Variants in GSDMD observed in about 807,000 individuals in gnomAD.
GSDMD encodes the protein gasdermin D.
Under a neutral mutation model 46.7 loss-of-function variants are expected in GSDMD, and 46 were observed. That is an observed-to-expected ratio of 0.99 (90% confidence interval 0.78 to 1.26). The LOEUF (loss-of-function observed/expected upper bound fraction) is 1.26. GSDMD is among the 50% of genes most tolerant of loss of function. The pLI, the probability that GSDMD is intolerant of heterozygous loss-of-function variation, is 0.00. For missense variants in GSDMD, 649 were observed against 638.8 expected, an observed-to-expected ratio of 1.02 and a Z score of -0.17; for synonymous variants, 307 against 283.1, an observed-to-expected ratio of 1.08 and a Z score of -0.85.
intron 1 of GSDMD, 73 bp downstream of exon 1, chr8:143,558,524 G>T (rs1003518150): frequency 7.4e-5 from 97 of 1,317,866 alleles, no homozygotes; most frequent in Middle Eastern, 5.1e-4. Context: ...GCTCCCGGGT[G>T]GGGGATGCTG....
upstream of GSDMD, chr8:143,558,303 G>A (rs1380839492): frequency 1.3e-6 from 2 of 1,511,720 alleles, no homozygotes; most frequent in African/African-American, 1.4e-5. Flanking sequence ...GGCTCTCCGG[G>A]ACGGTTCCGG....
At chr8:143,559,298 AG>A in intron 1 of GSDMD, 33 bp from the exon 2 acceptor site, 1 of 441,376 alleles carries the variant, frequency 2.3e-6, no homozygotes. Context: ...GCCCGCCCCG[AG>A]AGCACAATGC....
chr8:143,557,093 C>T (rs536855523), upstream of GSDMD, among the ~76,000 whole-genome samples: 5 of 152,384 alleles, frequency 3.3e-5, no homozygotes, highest in Admixed American at 6.5e-5. Context: ...AGGATCACGC[C>T]GTCCGCTCCG....
chr8:143,560,045 T>A, intron 3 of GSDMD, 76 bp downstream of exon 3: 1 of 1,343,668 alleles, frequency 7.4e-7, no homozygotes, highest in Non-Finnish European at 1.0e-6. Context: ...TTTATTTATT[T>A]AAATTATTTT....
At chr8:143,557,335 G>GATGCCGCT (rs1358187413), upstream of GSDMD, among the ~76,000 whole-genome samples, 1 of 41,066 alleles carries the variant, frequency 2.4e-5, no homozygotes, top group Non-Finnish European at 5.6e-5. Flanking sequence ...CTGCCGCTAT[G>GATGCCGCT]GTGAAGGATG....
upstream of GSDMD, among the ~76,000 whole-genome samples, chr8:143,554,465 G>A (rs964548810): frequency 6.7e-6 from 1 of 149,972 alleles, no homozygotes; most frequent in South Asian, 2.1e-4. Context: ...ATGCACACGC[G>A]CACATGTACA....
upstream of GSDMD, chr8:143,558,005 T>C (rs1336831279): frequency 5.1e-6 from 2 of 394,444 alleles, no homozygotes; most frequent in South Asian, 3.8e-5. Flanking sequence ...AGCGATTCTC[T>C]TGCCTCAGCC....
At chr8:143,560,371 C>T in intron 3 of GSDMD, 1 of 644,948 alleles carries the variant, frequency 1.6e-6, no homozygotes, top group South Asian at 1.7e-5. Context: ...AACACGGGGG[C>T]CCAGGTGAGG....
chr8:143,560,880 C>A, intron 4 of GSDMD, 109 bp downstream of exon 4: 1 of 1,433,146 alleles, frequency 7.0e-7, no homozygotes, highest in Non-Finnish European at 9.4e-7. Flanking sequence ...CAGCTCCCAG[C>A]CCTGCGCTTG....
chr8:143,562,143 A>T lies in GSDMD; in HGVS notation c.996+12A>T. On this transcript the variant is annotated intron_variant, in intron 8 of 10. Transcript: ENST00000262580. ...CCTTGGAGGAGGCGGTGAGCGGGGG[A>T]GGGTGCCCGGGGCACACAAGGCCTG... 1 of 1,597,820 alleles carries T rather than the reference A, an allele frequency of 6.3e-7. No homozygotes were observed. Among genetic ancestry groups the T allele is most frequent in the African/African-American group, 1.3e-5 (1 of 74,926 alleles).
intron 1 of GSDMD, 36 bp from the exon 2 acceptor site, chr8:143,559,296 C>CCCGGG: frequency 1.9e-6 from 2 of 1,052,406 alleles, no homozygotes; most frequent in South Asian, 1.4e-5. Context: ...CCGCCCGCCC[C>CCCGGG]GAGAGCACAA....
chr8:143,558,275 A>AGGAAGGGGGCC (rs1823355612), upstream of GSDMD: 4 of 1,421,894 alleles, frequency 2.8e-6, no homozygotes, highest in Non-Finnish European at 3.7e-6. Flanking sequence ...AAGAGGGGGC[A>AGGAAGGGGGCC]GGAAGGGGGC....
chr8:143,554,875 C>G (rs1823274678), upstream of GSDMD, among the ~76,000 whole-genome samples: 1 of 152,266 alleles, frequency 6.6e-6, no homozygotes, highest in Non-Finnish European at 1.5e-5. Context: ...CCACACCCAG[C>G]TAATGGGCTC....
At chr8:143,560,405 T>C in intron 3 of GSDMD, 198 bp from the exon 4 acceptor site, 1 of 635,470 alleles carries the variant, frequency 1.6e-6, no homozygotes, top group Non-Finnish European at 2.8e-6. Context: ...AGTCTGGACT[T>C]GGAGTCCCCG....
chr8:143,554,220 C>T (rs1467825848), upstream of GSDMD, among the ~76,000 whole-genome samples: 1 of 152,264 alleles, frequency 6.6e-6, no homozygotes, highest in African/African-American at 2.4e-5. Context: ...CATGAACACA[C>T]ACAGCGACAT....
chr8:143,557,138 AGTCTGTGTCGCCC>A (rs1275726859), upstream of GSDMD, among the ~76,000 whole-genome samples: 5 of 152,342 alleles, frequency 3.3e-5, no homozygotes, highest in South Asian at 4.1e-4. Context: ...GATGTCTCCA[AGTCTGTGTCGCCC>A]GTCTGTGTCG....
At position 143,560,693 on chromosome 8, in the gene GSDMD, G is replaced by A. The variant is rs916361550; in HGVS notation, c.501G>A (p.Gln167=). 3 of 1,584,098 alleles carry A rather than the reference G, an allele frequency of 1.9e-6. No homozygotes were observed. Among genetic ancestry groups the A allele is most frequent in the Non-Finnish European group, 2.6e-6 (3 of 1,165,368 alleles). The change falls in exon 4 of 11, where the codon CAG becomes CAA. Residue 167 remains glutamine, a synonymous_variant. Coordinates refer to ENST00000262580, the MANE Select transcript of GSDMD (RefSeq NM_024736.7). Reference sequence around the variant, plus strand: ...TGGTGACTGAGGTGCTGCAGACACAGAAGGAGGTGGAAGTCACGCGCACCC... The same window carrying A: ...TGGTGACTGAGGTGCTGCAGACACAAAAGGAGGTGGAAGTCACGCGCACCC... ...VYVVTEVLQT[Q]KEVEVTRTHK...
upstream of GSDMD, chr8:143,553,555 C>G (rs1467524938): frequency 2.7e-5 from 4 of 146,816 alleles, no homozygotes; most frequent in African/African-American, 9.7e-5. Flanking sequence ...GACGGAGGCG[C>G]TCGCCCTCTC....
chr8:143,559,535 C>T lies in GSDMD; in HGVS notation c.200C>T (p.Pro67Leu), dbSNP rs758431028. The T allele has an allele frequency of 1.7e-5, 28 of 1,612,550 alleles. No individual in the cohort carries two copies. Among genetic ancestry groups the T allele is most frequent in the Non-Finnish European group, 2.3e-5 (27 of 1,179,790 alleles). The change falls in exon 2 of 11, where the codon CCG (proline) becomes CTG (leucine). Residue 67 changes from proline (P) to leucine (L), a missense_variant. By Grantham distance (98) the Pro-to-Leu change is moderately conservative. Coordinates refer to ENST00000262580, the MANE Select transcript of GSDMD (RefSeq NM_024736.7). ...VNLSIKDILE[P>L]DAAEPDVQRG... ...CTGTCTATCAAGGACATCCTGGAGC[C>T]GGATGCCGCGGAACCAGGTGCCTGA...
Sources: gnomAD v4.1 joint callset for allele counts (sites outside exome capture counted in the v4.1 genomes callset) on GRCh38, gnomAD v4.1.1 for gene constraint, MANE v1.5 for transcripts, NCBI Gene and HGNC (gene_info 2026-07-23, HGNC 2026-07-21) for gene names.